Variants in CEP120 observed in about 807,000 individuals in gnomAD.
The protein encoded by CEP120 is centrosomal protein of 120 kDa.
A neutral mutation model predicts 126.5 loss-of-function variants in CEP120; 113 were observed. The ratio of observed to expected loss-of-function variants is 0.89; its 90% CI spans 0.77 to 1.04. The LOEUF is 1.04. Ranked by LOEUF, CEP120 falls within the 50% of genes least tolerant of loss-of-function variation. The pLI is 0.00. For missense variants in CEP120, 1,230 were observed against 1,155.7 expected, an observed-to-expected ratio of 1.06 and a Z score of -0.93; for synonymous variants, 400 against 394.3, an observed-to-expected ratio of 1.01 and a Z score of -0.17.
At chr5:123,407,883 A>C (rs1773798634) in intron 4 of CEP120, among the ~76,000 whole-genome samples, 1 of 152,230 alleles carries the variant, frequency 6.6e-6, no homozygotes, top group Non-Finnish European at 1.5e-5. Context: ...CATAAACTAG[A>C]AATCAGTAAC....
At chr5:123,369,086 T>C in intron 17 of CEP120, among the ~76,000 whole-genome samples, 1 of 151,886 alleles carries the variant, frequency 6.6e-6, no homozygotes, top group East Asian at 1.9e-4. Context: ...ATATGGGTCA[T>C]AAGCCGAAGA....
intron 8 of CEP120, among the ~76,000 whole-genome samples, chr5:123,389,078 T>A (rs370233426): frequency 3.9e-5 from 6 of 152,158 alleles, no homozygotes; most frequent in African/African-American, 1.4e-4. Flanking sequence ...CAGAGATACT[T>A]AGTGAGTGGC....
chr5:123,369,120 T>C (rs1302288066), intron 17 of CEP120, among the ~76,000 whole-genome samples: 1 of 151,942 alleles, frequency 6.6e-6, no homozygotes, highest in African/African-American at 2.4e-5. Flanking sequence ...CTCTAACACA[T>C]ATTTTCTACA....
intron 5 of CEP120, among the ~76,000 whole-genome samples, chr5:123,397,599 G>T (rs1772871345): frequency 6.6e-6 from 1 of 152,156 alleles, no homozygotes; most frequent in African/African-American, 2.4e-5. Context: ...TACCAAATAA[G>T]GAGAGAAAGA....
chr5:123,357,559 A>G (rs1426178344), intron 18 of CEP120, among the ~76,000 whole-genome samples: 1 of 152,058 alleles, frequency 6.6e-6, no homozygotes, highest in Non-Finnish European at 1.5e-5. Context: ...ATAAACAGGC[A>G]CTCCACAGAT....
At chr5:123,369,141 A>G (rs893145888) in intron 17 of CEP120, among the ~76,000 whole-genome samples, 1 of 151,988 alleles carries the variant, frequency 6.6e-6, no homozygotes, top group Non-Finnish European at 1.5e-5. Flanking sequence ...CACTAGATGA[A>G]TAATTTTTTT....
At chr5:123,395,190 C>A (rs115379520) in intron 5 of CEP120, among the ~76,000 whole-genome samples, 3,139 of 152,244 alleles carry the variant, frequency 0.021, 113 homozygotes, top group African/African-American at 0.071. Context: ...GGAAGAAATT[C>A]TTTAAAAATT....
chr5:123,401,583 G>C, intron 4 of CEP120: 1 of 1,400,834 alleles, frequency 7.1e-7, no homozygotes, highest in Admixed American at 1.7e-5. Context: ...TTCATGTCCA[G>C]GGAGCGGCTG....
At chr5:123,420,404 A>G (rs1774644807) in intron 1 of CEP120, among the ~76,000 whole-genome samples, 2 of 152,176 alleles carry the variant, frequency 1.3e-5, no homozygotes, top group Non-Finnish European at 2.9e-5. Context: ...GTAAAAGCTT[A>G]ACCATTTTCT....
At chr5:123,382,330 A>C in intron 13 of CEP120, 130 bp from the exon 14 acceptor site, 1 of 406,732 alleles carries the variant, frequency 2.5e-6, no homozygotes, top group Non-Finnish European at 4.4e-6. Flanking sequence ...TATTCTAAAA[A>C]AAAAAAAAAA....
intron 6 of CEP120, among the ~76,000 whole-genome samples, chr5:123,391,923 T>C (rs1402840871): frequency 6.6e-6 from 1 of 152,076 alleles, no homozygotes; most frequent in East Asian, 1.9e-4. Context: ...TAATCACTGA[T>C]AGCTAATTAA....
intron 2 of CEP120, among the ~76,000 whole-genome samples, chr5:123,416,975 G>A (rs532446951): frequency 3.3e-5 from 5 of 152,198 alleles, no homozygotes; most frequent in African/African-American, 4.8e-5. Context: ...GTTTTAGTTC[G>A]GAACCCCTCA....
intron 15 of CEP120, 44 bp from the exon 16 acceptor site, chr5:123,377,579 GCAT>G: frequency 6.9e-7 from 1 of 1,439,912 alleles, no homozygotes; most frequent in Non-Finnish European, 9.4e-7. Flanking sequence ...ATTGCTAGCT[GCAT>G]TATACTATTC....
At chr5:123,382,922 C>T in intron 12 of CEP120, 33 bp from the exon 13 acceptor site, 11 of 1,610,484 alleles carry the variant, frequency 6.8e-6, no homozygotes, top group Non-Finnish European at 8.5e-6. Context: ...CATTTAAACA[C>T]TCACACACAT....
chr5:123,416,607 C>A (rs62377763), intron 2 of CEP120, among the ~76,000 whole-genome samples: 1 of 151,666 alleles, frequency 6.6e-6, no homozygotes, highest in African/African-American at 2.4e-5. Context: ...AAAAAATAAA[C>A]AGGTAAGAAC....
intron 4 of CEP120, chr5:123,402,256 C>T (rs1379035894): frequency 7.2e-5 from 107 of 1,485,916 alleles, no homozygotes; most frequent in Admixed American, 1.1e-4. Flanking sequence ...ATGTGGGCAC[C>T]GGGCCCACTT....
At chr5:123,348,749 T>G (rs1278044298) in intron 19 of CEP120, among the ~76,000 whole-genome samples, 1 of 152,170 alleles carries the variant, frequency 6.6e-6, no homozygotes, top group Non-Finnish European at 1.5e-5. Flanking sequence ...TGTGATGGTA[T>G]TTGGAAATGG....
chr5:123,391,105 C>G lies in CEP120; in HGVS notation c.1038+5G>C. On this transcript the variant is annotated splice_donor_5th_base_variant and intron_variant, in intron 7 of 19. Transcript: ENST00000306467. The stretch of plus-strand genomic sequence containing the variant: ...CCAGGGGAATGAAGGAGGGCCACTA[C>G]TTGCCTGGGAGTCTATGCCTTCTCT... The G allele has an allele frequency of 6.2e-7, 1 of 1,607,104 alleles. No homozygotes were observed. Among genetic ancestry groups the G allele is most frequent in the Non-Finnish European group, 8.5e-7 (1 of 1,175,716 alleles).
chr5:123,349,884 A>C, intron 19 of CEP120, 60 bp downstream of exon 19: 6 of 1,431,270 alleles, frequency 4.2e-6, no homozygotes, highest in Non-Finnish European at 5.8e-6. Context: ...GGAGACCTCA[A>C]GTTGTACCTT....
Sources: gnomAD v4.1 joint callset for allele counts (sites outside exome capture counted in the v4.1 genomes callset) on GRCh38, gnomAD v4.1.1 for gene constraint, MANE v1.5 for transcripts, NCBI Gene and HGNC (gene_info 2026-07-23, HGNC 2026-07-21) for gene names.